The following DPF3 variants were observed in gnomAD, a reference collection of about 807,000 sequenced individuals.
DPF3 encodes the protein zinc finger protein DPF3.
Under a neutral mutation model 56.8 loss-of-function variants are expected in DPF3, and 18 were observed. That is an observed-to-expected ratio of 0.32 (90% CI 0.22 to 0.47). The LOEUF (loss-of-function observed/expected upper bound fraction) is 0.47. DPF3 is among the 20% of genes least tolerant of loss of function. The pLI is 1.00. For synonymous variants in DPF3, 188 were observed against 180.2 expected, an observed-to-expected ratio of 1.04 and a Z score of -0.35; for missense variants, 403 against 488.8, an observed-to-expected ratio of 0.82 and a Z score of 1.65.
At chr14:72,714,526 T>C (rs1338543892) in intron 5 of DPF3, 25 bp from the exon 6 acceptor site, 3 of 1,612,954 alleles carry the variant, frequency 1.9e-6, no homozygotes, top group Non-Finnish European at 2.5e-6. Context: ...GGGTACAGGA[T>C]GCTTGTTACC....
intron 1 of DPF3, among the ~76,000 whole-genome samples, chr14:72,863,065 TATATATATATATATATATA>T (rs1264374065): frequency 6.5e-4 from 1 of 1,532 alleles, no homozygotes. Flanking sequence ...CATTTATATA[TATATATATATATATATATA>T]TATATATATA....
At chr14:72,732,144 C>T (rs1003811422) in intron 3 of DPF3, among the ~76,000 whole-genome samples, 1 of 152,174 alleles carries the variant, frequency 6.6e-6, no homozygotes, top group African/African-American at 2.4e-5. Flanking sequence ...ATGCCCACAC[C>T]CCCAGAGGAA....
chr14:72,722,848 T>C (rs1347506372), intron 5 of DPF3, among the ~76,000 whole-genome samples: 1 of 152,140 alleles, frequency 6.6e-6, no homozygotes, highest in Non-Finnish European at 1.5e-5. Context: ...CTTGTTTTTA[T>C]TCCTTCCACC....
At chr14:72,710,373 A>G (rs1397054792) in intron 6 of DPF3, among the ~76,000 whole-genome samples, 1 of 152,256 alleles carries the variant, frequency 6.6e-6, no homozygotes, top group Non-Finnish European at 1.5e-5. Flanking sequence ...ATAGATTCTA[A>G]GGAGACCAAC....
At chr14:72,709,470 G>A (rs1386907830) in intron 6 of DPF3, among the ~76,000 whole-genome samples, 2 of 152,086 alleles carry the variant, frequency 1.3e-5, no homozygotes, top group Non-Finnish European at 2.9e-5. Context: ...ACTACTACCT[G>A]ACTCCAGCCT....
At chr14:72,846,497 G>A (rs796711457) in intron 1 of DPF3, among the ~76,000 whole-genome samples, 31 of 151,796 alleles carry the variant, frequency 2.0e-4, no homozygotes, top group East Asian at 5.8e-4. Flanking sequence ...CACCACGCCC[G>A]GCTAATTTTT....
At chr14:72,779,050 C>T (rs771587667) in intron 1 of DPF3, among the ~76,000 whole-genome samples, 22 of 152,164 alleles carry the variant, frequency 1.4e-4, no homozygotes, top group Non-Finnish European at 2.9e-4. Flanking sequence ...ACCTGCCTGG[C>T]CTTCTTGCTG....
chr14:72,630,228 G>C (rs906192010), intron 8 of DPF3, among the ~76,000 whole-genome samples: 1 of 152,186 alleles, frequency 6.6e-6, no homozygotes, highest in African/African-American at 2.4e-5. Flanking sequence ...TCCAGGGTCA[G>C]TGCTCAGGGA....
At chr14:72,674,440 A>G in intron 7 of DPF3, 72 bp from the exon 8 acceptor site, 1 of 1,543,222 alleles carries the variant, frequency 6.5e-7, no homozygotes, top group Admixed American at 2.0e-5. Context: ...CTCCTCCTAC[A>G]GTGTGGTAGA....
intron 7 of DPF3, 123 bp from the exon 8 acceptor site, chr14:72,674,491 T>A: frequency 2.2e-6 from 3 of 1,390,540 alleles, no homozygotes; most frequent in Non-Finnish European, 2.9e-6. Context: ...TATAACCAAG[T>A]TGGCAAATTG....
intron 1 of DPF3, chr14:72,892,250 G>A: frequency 6.5e-7 from 1 of 1,535,528 alleles, no homozygotes; most frequent in Non-Finnish European, 8.7e-7. Flanking sequence ...ATCAGTTGTG[G>A]GTTCGGTAGA....
chr14:72,752,546 C>G (rs1289924618), intron 3 of DPF3, among the ~76,000 whole-genome samples: 2 of 152,100 alleles, frequency 1.3e-5, no homozygotes, highest in African/African-American at 4.8e-5. Context: ...ATTTGTAATC[C>G]CAGCTACTCG....
At chr14:72,883,155 C>A (rs1886384554) in intron 1 of DPF3, among the ~76,000 whole-genome samples, 1 of 152,110 alleles carries the variant, frequency 6.6e-6, no homozygotes, top group African/African-American at 2.4e-5. Context: ...TTCATTTGCT[C>A]TTGTAAAGGA....
intron 6 of DPF3, among the ~76,000 whole-genome samples, chr14:72,697,201 C>T (rs1244640237): frequency 6.6e-6 from 1 of 152,174 alleles, no homozygotes; most frequent in Admixed American, 6.5e-5. Context: ...ACCAGGTCTT[C>T]AATTCAAGAA....
At position 72,888,728 on chromosome 14, in the gene DPF3, G is replaced by A. The variant is rs527681558; in HGVS notation, c.32+5329C>T. 7.9e-5 allele frequency among the ~76,000 whole-genome samples: 12 copies of A among 152,244 alleles called. No homozygotes were observed. In the South Asian group the frequency reaches 2.1e-3, roughly 26 times the overall value. ...AAATTCCCCTGTTGGGTCGTAGCTG[G>A]GCAAAAAATATTTCAGTGGTTGTGG... On this transcript the variant is annotated intron_variant, in intron 1 of 10. Coordinates refer to ENST00000556509, the MANE Select transcript of DPF3 (RefSeq NM_001280542.3).
intron 1 of DPF3, among the ~76,000 whole-genome samples, chr14:72,854,998 A>C (rs1037212043): frequency 6.6e-6 from 1 of 152,208 alleles, no homozygotes; most frequent in African/African-American, 2.4e-5. Context: ...CTTTAATATT[A>C]ATAAGACTTG....
intron 1 of DPF3, among the ~76,000 whole-genome samples, chr14:72,815,010 A>G (rs898615141): frequency 6.6e-6 from 1 of 152,166 alleles, no homozygotes; most frequent in Non-Finnish European, 1.5e-5. Flanking sequence ...TTAAATGTCT[A>G]CTCTTTGAAA....
chr14:72,630,307 A>G (rs1390620337), intron 8 of DPF3, among the ~76,000 whole-genome samples: 2 of 152,338 alleles, frequency 1.3e-5, no homozygotes, highest in East Asian at 3.9e-4. Flanking sequence ...AAAAGTTCAT[A>G]TCCTGAACAG....
intron 1 of DPF3, among the ~76,000 whole-genome samples, chr14:72,776,738 C>T (rs976675003): frequency 6.6e-6 from 1 of 152,148 alleles, no homozygotes; most frequent in Non-Finnish European, 1.5e-5. Flanking sequence ...TTCACTGTCT[C>T]TCTGGTTCTG....
Sources: gnomAD v4.1 joint callset for allele counts (sites outside exome capture counted in the v4.1 genomes callset) on GRCh38, gnomAD v4.1.1 for gene constraint, MANE v1.5 for transcripts, NCBI Gene and HGNC (gene_info 2026-07-23, HGNC 2026-07-21) for gene names.